Variants in CTNNBIP1 observed in about 807,000 individuals in gnomAD.
The protein encoded by CTNNBIP1 is beta-catenin-interacting protein 1.
CTNNBIP1 carries 7 observed loss-of-function variants against 11.8 expected under a neutral mutation model. The observed-to-expected ratio is 0.60, with a 90% CI of 0.34 to 1.12. CTNNBIP1 has a LOEUF of 1.12. Among genes scored for constraint, CTNNBIP1 ranks in the 50% most tolerant of loss-of-function variants. The probability of loss-of-function intolerance (pLI) is 0.03; values close to 1 mark genes in which losing one functional copy is unlikely to be tolerated. For missense variants in CTNNBIP1, 101 were observed against 113.4 expected (o/e 0.89, Z 0.50); for synonymous variants, 58 against 43.9 (o/e 1.32, Z -1.26).
chr1:9,856,084 G>A (rs113764117), intron 5 of CTNNBIP1, among the ~76,000 whole-genome samples: 4,204 of 152,116 alleles, frequency 0.028, 84 homozygotes, highest in Middle Eastern at 0.054. Flanking sequence ...GGAGCTGGAG[G>A]TTGCAGTGAG....
rs1638781948 is a variant in CTNNBIP1 at position 9,867,929 on chromosome 1, T to A, written c.187+3258A>T. On this transcript the variant is annotated intron_variant, in intron 5 of 5. Coordinates refer to ENST00000377263, the MANE Select transcript of CTNNBIP1 (RefSeq NM_020248.3). This position sits in a 1 kb window ranked among gnomAD's most constrained non-coding sequence, Gnocchi z 4.6. ...CCACATGGCACAGGCAGATGCAGGGTCCTGCCCTCACATGGGTAAGCCCAG... is the reference window on the plus strand; with the variant it reads ...CCACATGGCACAGGCAGATGCAGGGACCTGCCCTCACATGGGTAAGCCCAG... Among the ~76,000 whole-genome samples the A allele has an allele frequency of 6.6e-6, 1 of 152,196 alleles. No homozygotes were observed. Among genetic ancestry groups the A allele is most frequent in the Non-Finnish European group, 1.5e-5 (1 of 68,036 alleles).
intron 1 of CTNNBIP1, among the ~76,000 whole-genome samples, chr1:9,905,076 G>A (rs973324662): frequency 1.3e-5 from 2 of 152,276 alleles, no homozygotes; most frequent in South Asian, 2.1e-4. Flanking sequence ...TATTCCAGCC[G>A]CTCTTCGTAA....
At chr1:9,897,842 C>A (rs1207847742) in intron 1 of CTNNBIP1, among the ~76,000 whole-genome samples, 2 of 151,922 alleles carry the variant, frequency 1.3e-5, no homozygotes, top group Admixed American at 1.3e-4. Context: ...AAAATTTGGC[C>A]GGATGCGGTG....
chr1:9,886,619 A>G (rs981574157), intron 1 of CTNNBIP1, among the ~76,000 whole-genome samples: 15 of 152,200 alleles, frequency 9.9e-5, no homozygotes, highest in Admixed American at 9.2e-4. Flanking sequence ...CTCACCTGTC[A>G]TGGCCCAGCT....
At chr1:9,862,264 A>G (rs1638647561) in intron 5 of CTNNBIP1, among the ~76,000 whole-genome samples, 1 of 152,168 alleles carries the variant, frequency 6.6e-6, no homozygotes, top group African/African-American at 2.4e-5. Flanking sequence ...ACACACCTTC[A>G]ATAGAGATGG....
In CTNNBIP1 at chr1:9,871,116, T is replaced by G; in HGVS notation, c.187+71A>C. The G allele has an allele frequency of 8.3e-7, 1 of 1,207,134 alleles. No homozygotes were observed. The highest frequency in any genetic ancestry group is 1.2e-6 in the Non-Finnish European group (1 of 851,188). 74.8% of individuals were successfully genotyped at this position (1,207,134 alleles called of 1,614,324 possible). On this transcript the variant is annotated intron_variant, in intron 5 of 5. Transcript: ENST00000377263. The surrounding 1 kb of genome is among the most constrained non-coding windows in gnomAD (Gnocchi z 5.2). ...CATCAAAGAGGGCTGGAGCTACGCT[T>G]TCTAAGGGAACCACAAGTCGGTGCC...
intron 1 of CTNNBIP1, among the ~76,000 whole-genome samples, chr1:9,901,517 C>T (rs1639522018): frequency 6.6e-6 from 1 of 152,146 alleles, no homozygotes; most frequent in Non-Finnish European, 1.5e-5. Flanking sequence ...TTATTCGGTT[C>T]AGGTCAAGGA....
At chr1:9,856,758 C>CCTGCCTCA (rs1557744294) in intron 5 of CTNNBIP1, among the ~76,000 whole-genome samples, 1 of 151,556 alleles carries the variant, frequency 6.6e-6, no homozygotes, top group Non-Finnish European at 1.5e-5. Context: ...GGGTGATCCA[C>CCTGCCTCA]CTGCCTCAGC....
chr1:9,871,956 C>G lies in CTNNBIP1; in HGVS notation c.96+13G>C. On this transcript the variant is annotated intron_variant, in intron 4 of 5. Coordinates refer to ENST00000377263, the MANE Select transcript of CTNNBIP1 (RefSeq NM_020248.3). The surrounding 1 kb of genome is among the most constrained non-coding windows in gnomAD (Gnocchi z 5.2). ...CCTGGGGGCCCGCTGCCTGACACCC[C>G]ACAGGCACTCACGTTTGATCCCATC... 1 of 1,609,686 alleles carries G rather than the reference C, an allele frequency of 6.2e-7. No homozygotes were observed. The highest frequency in any genetic ancestry group is 8.5e-7 in the Non-Finnish European group (1 of 1,175,940).
intron 1 of CTNNBIP1, among the ~76,000 whole-genome samples, chr1:9,890,715 G>A (rs909234828): frequency 8.5e-5 from 13 of 152,154 alleles, no homozygotes; most frequent in Non-Finnish European, 1.3e-4. Context: ...AGGCCTGACC[G>A]ACCTTCCCCA....
chr1:9,903,406 G>A (rs989460958), intron 1 of CTNNBIP1, among the ~76,000 whole-genome samples: 1 of 152,158 alleles, frequency 6.6e-6, no homozygotes, highest in African/African-American at 2.4e-5. Context: ...GGAGCCACAG[G>A]TATGACCCTC....
intron 5 of CTNNBIP1, 141 bp from the exon 6 acceptor site, chr1:9,850,917 A>C (rs1202662047): frequency 2.6e-6 from 2 of 782,072 alleles, no homozygotes; most frequent in Non-Finnish European, 4.5e-6. Context: ...CTTCCGAGGA[A>C]GTCTTCCTCC....
chr1:9,904,521 T>A (rs1221254379), intron 1 of CTNNBIP1, among the ~76,000 whole-genome samples: 1 of 152,120 alleles, frequency 6.6e-6, no homozygotes, highest in Non-Finnish European at 1.5e-5. Context: ...ACTGTGTTCC[T>A]GATCAAGTAA....
At chr1:9,863,030 G>C (rs1262967662) in intron 5 of CTNNBIP1, among the ~76,000 whole-genome samples, 1 of 152,202 alleles carries the variant, frequency 6.6e-6, no homozygotes, top group Non-Finnish European at 1.5e-5. Flanking sequence ...CTAAACAACA[G>C]AACCCATGAC....
At position 9,867,291 on chromosome 1, in the gene CTNNBIP1, C is replaced by G. The variant is rs749120992; in HGVS notation, c.187+3896G>C. The stretch of plus-strand genomic sequence containing the variant: ...GCCACTGGGGCCTCTGCTGGAACCA[C>G]CTGGTGAGCCCGTAAGGGGAGGCCC... On this transcript the variant is annotated intron_variant, in intron 5 of 5. Transcript: ENST00000377263. The surrounding 1 kb of genome is among the most constrained non-coding windows in gnomAD (Gnocchi z 4.6). 9.0e-5 allele frequency among the ~76,000 whole-genome samples: 13 copies of G among 145,034 alleles called. No individual in the cohort carries two copies. Among genetic ancestry groups the G allele is most frequent in the Non-Finnish European group, 1.5e-5 (1 of 68,024 alleles).
At chr1:9,908,200 A>G (rs1034541527) in intron 1 of CTNNBIP1, among the ~76,000 whole-genome samples, 3 of 151,696 alleles carry the variant, frequency 2.0e-5, no homozygotes, top group African/African-American at 4.8e-5. Flanking sequence ...CTGGGACTAC[A>G]GGCATGCACC....
In CTNNBIP1 at chr1:9,910,212, A is replaced by G. The variant is rs2101558392; in HGVS notation, c.-261T>C. On this transcript the variant is annotated 5_prime_UTR_variant, in exon 1 of 6. Coordinates refer to ENST00000377263, the MANE Select transcript of CTNNBIP1 (RefSeq NM_020248.3). ...CCGCTGCGGCGGCGGCAGTAGCAGC[A>G]GCAGGAGCGGCCGCCTCAGCCTCCG... The G allele has an allele frequency of 6.8e-6, 1 of 147,390 alleles. No individual in the cohort carries two copies. The highest frequency in any genetic ancestry group is 2.0e-4 in the East Asian group (1 of 5,126). 9.1% of individuals were successfully genotyped at this position (147,390 alleles called of 1,614,324 possible).
At chr1:9,884,821 G>A (rs1639152819) in intron 1 of CTNNBIP1, among the ~76,000 whole-genome samples, 1 of 152,138 alleles carries the variant, frequency 6.6e-6, no homozygotes, top group African/African-American at 2.4e-5. Flanking sequence ...CCCTTCCTGA[G>A]CAAAGACGGG....
intron 1 of CTNNBIP1, among the ~76,000 whole-genome samples, chr1:9,887,102 A>G (rs1271946078): frequency 6.6e-6 from 1 of 152,148 alleles, no homozygotes; most frequent in Non-Finnish European, 1.5e-5. Context: ...CACCAACCCC[A>G]ATTCAAACCT....
Sources: allele counts gnomAD v4.1 joint callset (sites outside exome capture counted in the v4.1 genomes callset), GRCh38; gene constraint gnomAD v4.1.1; non-coding constraint Gnocchi (gnomAD v3.1); transcripts MANE v1.5; gene names NCBI Gene and HGNC (gene_info 2026-07-23, HGNC 2026-07-21).